Variants in CDR2 observed in about 807,000 individuals in gnomAD.
CDR2 encodes the protein cerebellar degeneration-related protein 2.
Under a neutral mutation model 48.4 loss-of-function variants are expected in CDR2, and 34 were observed. The ratio of observed to expected loss-of-function variants is 0.70; its 90% CI spans 0.53 to 0.94. The LOEUF (loss-of-function observed/expected upper bound fraction) is 0.94, where lower values mean the gene tolerates loss of function less well. CDR2 is among the 40% of genes least tolerant of loss of function. The pLI is 0.00. For synonymous variants in CDR2, 240 were observed against 219.7 expected, an observed-to-expected ratio of 1.09 and a Z score of -0.82; for missense variants, 498 against 549.5, an observed-to-expected ratio of 0.91 and a Z score of 0.94.
chr16:22,374,100 C>A (rs1479690124), intron 1 of CDR2, 131 bp downstream of exon 1: 2 of 571,924 alleles, frequency 3.5e-6, no homozygotes, highest in Non-Finnish European at 6.0e-6. Flanking sequence ...CCGGCCCAGC[C>A]GCCAGGTGAG....
intron 1 of CDR2, among the ~76,000 whole-genome samples, chr16:22,372,194 C>T (rs2049083275): frequency 6.6e-6 from 1 of 152,046 alleles, no homozygotes; most frequent in Admixed American, 6.6e-5. Context: ...TAAGGTTAAA[C>T]TTGAAGAGCT....
chr16:22,358,095 G>A (rs1391803117), intron 2 of CDR2, among the ~76,000 whole-genome samples: 3 of 152,286 alleles, frequency 2.0e-5, no homozygotes, highest in Admixed American at 6.5e-5. Context: ...CTCTAAGTAC[G>A]TACTGATGTA....
chr16:22,353,557 A>G (rs938992161), intron 2 of CDR2, among the ~76,000 whole-genome samples: 1 of 152,178 alleles, frequency 6.6e-6, no homozygotes, highest in African/African-American at 2.4e-5. Context: ...ACCAGGGAGA[A>G]CAAAGGTTAA....
At chr16:22,370,119 C>T (rs1210766122) in intron 1 of CDR2, among the ~76,000 whole-genome samples, 1 of 152,108 alleles carries the variant, frequency 6.6e-6, no homozygotes, top group Non-Finnish European at 1.5e-5. Flanking sequence ...ATACTCAGCT[C>T]TATGCTTTAG....
chr16:22,363,300 G>A (rs2049022998), intron 2 of CDR2, among the ~76,000 whole-genome samples: 1 of 152,102 alleles, frequency 6.6e-6, no homozygotes, highest in African/African-American at 2.4e-5. Flanking sequence ...TTTTGATGTA[G>A]AATATGCTAA....
intron 2 of CDR2, among the ~76,000 whole-genome samples, chr16:22,350,709 G>A (rs1031510932): frequency 6.6e-6 from 1 of 152,092 alleles, no homozygotes; most frequent in Non-Finnish European, 1.5e-5. Context: ...CAATACCCCA[G>A]TGCATTGTGA....
At chr16:22,369,310 A>C (rs1485356595) in intron 1 of CDR2, among the ~76,000 whole-genome samples, 2 of 151,514 alleles carry the variant, frequency 1.3e-5, no homozygotes, top group East Asian at 1.9e-4. Context: ...AAGAAAAAAA[A>C]CAAAACCCAA....
chr16:22,347,121 C>A lies in CDR2; in HGVS notation c.1209G>T (p.Trp403Cys), dbSNP rs760418165. 1 of 1,614,224 alleles carries A rather than the reference C, an allele frequency of 6.2e-7. No individual in the cohort carries two copies. The highest frequency in any genetic ancestry group is 1.7e-5 in the Admixed American group (1 of 60,018). ...GCTCTGGGTTGACAGAGGCCAGTTC[C>A]CAGCCGCTGGCAACAGGCTCAGACT... is the stretch of plus-strand genomic sequence containing the variant. Reference protein sequence around the residue: ...NAQSEPVASGWELASVNPEPV... With the variant: ...NAQSEPVASGCELASVNPEPV... The change falls in exon 5 of 5, where the codon TGG becomes TGT. Residue 403 changes from tryptophan to cysteine, a missense_variant. By Grantham distance (215) the Trp-to-Cys change is radical. Transcript: ENST00000268383.
chr16:22,366,619 G>GGT (rs1031487056), intron 1 of CDR2, among the ~76,000 whole-genome samples: 3 of 152,144 alleles, frequency 2.0e-5, no homozygotes, highest in African/African-American at 7.2e-5. Context: ...GGCTGAGGAG[G>GGT]GTGGAGCAGA....
At chr16:22,350,940 C>G (rs2048937856) in intron 2 of CDR2, among the ~76,000 whole-genome samples, 1 of 152,128 alleles carries the variant, frequency 6.6e-6, no homozygotes, top group Admixed American at 6.5e-5. Context: ...AGGTTTGATA[C>G]ATAGGTATAC....
Position 22,347,417 on chromosome 16 carries a change from GCTTT to G in CDR2, c.909_912del (p.Arg303SerfsTer21). On this transcript the variant is annotated frameshift_variant, in exon 5 of 5. Transcript: ENST00000268383. LOFTEE classifies it high-confidence loss of function. Reference sequence around the variant, plus strand: ...GTCTCACTGCTGCTGCGCTTGAGAGGCTTTCTATGTGATTCCGGCACAGTCAGGA... The same window carrying G: ...GTCTCACTGCTGCTGCGCTTGAGAGGCTATGTGATTCCGGCACAGTCAGGA... 4 of 1,614,100 alleles carry G rather than the reference GCTTT, an allele frequency of 2.5e-6. No homozygotes were observed. The highest frequency in any genetic ancestry group is 1.7e-5 in the Admixed American group (1 of 60,014).
chr16:22,371,602 T>C (rs1205885536), intron 1 of CDR2, among the ~76,000 whole-genome samples: 1 of 152,242 alleles, frequency 6.6e-6, no homozygotes, highest in African/African-American at 2.4e-5. Context: ...TTTTAAAATC[T>C]GTTAAAAGTT....
rs903063817 is a variant in CDR2, at chr16:22,346,246, A to G, written c.*719T>C. On this transcript the variant is annotated 3_prime_UTR_variant, in exon 5 of 5. Coordinates refer to ENST00000268383, the MANE Select transcript of CDR2 (RefSeq NM_001802.2). ...AAAGTGATAAAAGATTTACATATTC[A>G]CCTATCCTAAAGGCTAGAGCTTTGA... is the stretch of plus-strand genomic sequence containing the variant. 1 of 152,598 alleles carries G rather than the reference A, an allele frequency of 6.6e-6. No individual in the cohort carries two copies. The highest frequency in any genetic ancestry group is 2.4e-5 in the African/African-American group (1 of 41,460). 9.5% of individuals were successfully genotyped at this position (152,598 alleles called of 1,614,324 possible). A position where few individuals can be genotyped will look rare whatever the true frequency, so the allele number is the denominator to read the frequency against.
rs1338206471 is a variant in CDR2, at chr16:22,347,103, G to A, written c.1227C>T (p.Asn409=). The A allele has an allele frequency of 5.0e-6, 8 of 1,614,072 alleles. No homozygotes were observed. The highest frequency in any genetic ancestry group is 5.9e-6 in the Non-Finnish European group (7 of 1,180,028). ...VASGWELASV[N]PEPVSSPTTP... ...TTGTAGGGGAACTCACGGGCTCTGG[G>A]TTGACAGAGGCCAGTTCCCAGCCGC... Residue 409 remains asparagine, a synonymous_variant, in exon 5 of 5, where the codon AAC becomes AAT. Coordinates refer to ENST00000268383, the MANE Select transcript of CDR2 (RefSeq NM_001802.2).
rs2048928357 is a variant in CDR2 at position 22,349,516 on chromosome 16, G to A, written c.342-73C>T. 15 of 1,533,606 alleles carry A rather than the reference G, an allele frequency of 9.8e-6. No individual in the cohort carries two copies. In the South Asian group the frequency reaches 1.6e-4, roughly 17 times the overall value. 95.0% of individuals were successfully genotyped at this position (1,533,606 alleles called of 1,614,324 possible). ...GGGCAAAAGCGGTGAGGAGAGATTA[G>A]GTGCAAACCACTCACACTGGGCTTT... On this transcript the variant is annotated intron_variant, in intron 3 of 4. Coordinates refer to ENST00000268383, the MANE Select transcript of CDR2 (RefSeq NM_001802.2).
Position 22,346,890 on chromosome 16 carries a change from T to C in CDR2, c.*75A>G. 6.8e-7 allele frequency: 1 copy of C among 1,473,650 alleles called. No individual in the cohort carries two copies. Among genetic ancestry groups the C allele is most frequent in the Non-Finnish European group, 9.3e-7 (1 of 1,079,240 alleles). The allele number at this position is 1,473,650 out of a possible 1,614,324, so 91.3% of individuals were successfully genotyped here. On this transcript the variant is annotated 3_prime_UTR_variant, in exon 5 of 5. Transcript: ENST00000268383. Reference sequence around the variant, plus strand: ...TCATGAGTAACATTAGGCTTCAGAGTCTACAAACACTTGTCTGAATGGGAG... The same window carrying C: ...TCATGAGTAACATTAGGCTTCAGAGCCTACAAACACTTGTCTGAATGGGAG...
intron 1 of CDR2, chr16:22,368,903 C>A (rs1182157739): frequency 6.6e-6 from 1 of 152,152 alleles, no homozygotes. Context: ...CAAGTTAATA[C>A]CCTGTTTTCA....
chr16:22,365,283 C>A, intron 1 of CDR2: 1 of 278,494 alleles, frequency 3.6e-6, no homozygotes, highest in South Asian at 8.3e-5. Flanking sequence ...AATGATCATT[C>A]CGCAGTGTTA....
Position 22,349,429 on chromosome 16 carries a change from A to G in CDR2, c.356T>C (p.Ile119Thr), listed in dbSNP as rs766540662. ...QQKILSLTET[I>T]ECLQTNIDHL... is the part of the protein sequence containing the mutation. ...ATCAATGTTGGTTTGCAGGCATTCA[A>G]TCGTTTCAGTCAGGCTGTGAGGAAC... The change falls in exon 4 of 5, where the codon ATT becomes ACT. Residue 119 changes from isoleucine to threonine, a missense_variant. Coordinates refer to ENST00000268383, the MANE Select transcript of CDR2 (RefSeq NM_001802.2). 15 of 1,613,996 alleles carry G rather than the reference A, an allele frequency of 9.3e-6. No individual in the cohort carries two copies. The highest frequency in any genetic ancestry group is 5.0e-5 in the Admixed American group (3 of 59,982).
Sources: gnomAD v4.1 joint callset for allele counts (sites outside exome capture counted in the v4.1 genomes callset) on GRCh38, gnomAD v4.1.1 for gene constraint, MANE v1.5 for transcripts, NCBI Gene and HGNC (gene_info 2026-07-23, HGNC 2026-07-21) for gene names.